The following MSH3 variants were observed in gnomAD, a reference collection of about 807,000 sequenced individuals.
MSH3 encodes mutS homolog 3.
MSH3 carries 106 observed loss-of-function variants against 123.3 expected under a neutral mutation model. The ratio of observed to expected loss-of-function variants is 0.86; its 90% CI spans 0.73 to 1.01. MSH3 has a LOEUF of 1.01. Among genes scored for constraint, MSH3 ranks in the 50% least tolerant of loss-of-function variants. The pLI, the probability that MSH3 is intolerant of heterozygous loss-of-function variation, is 0.00. For missense variants in MSH3, 1,459 were observed against 1,347.6 expected, an observed-to-expected ratio of 1.08 and a Z score of -1.29; for synonymous variants, 515 against 481.4, an observed-to-expected ratio of 1.07 and a Z score of -0.91.
rs181951881 is a variant in MSH3, at chr5:80,811,552, T to C, written c.2656-2032T>C. ...TGTTCTTTTCAGGTTTGATAAGATA[T>C]CCAAATCTGAAATTATTTGGGAAAA... is the stretch of plus-strand genomic sequence containing the variant. On this transcript the variant is annotated intron_variant, in intron 19 of 23. Transcript: ENST00000265081. Among the ~76,000 whole-genome samples the C allele has an allele frequency of 3.3e-3, 509 of 152,304 alleles. 4 individuals are homozygous for C. The highest frequency in any genetic ancestry group is 0.011 in the African/African-American group (473 of 41,588).
At chr5:80,828,488 C>G (rs892275326) in intron 20 of MSH3, among the ~76,000 whole-genome samples, 2 of 152,156 alleles carry the variant, frequency 1.3e-5, no homozygotes, top group African/African-American at 4.8e-5. Context: ...TGCCCCTGGC[C>G]CCCACAAATT....
At chr5:80,859,117 C>T (rs1055104159) in intron 21 of MSH3, among the ~76,000 whole-genome samples, 1 of 151,744 alleles carries the variant, frequency 6.6e-6, no homozygotes, top group African/African-American at 2.4e-5. Flanking sequence ...ATGTATCTTC[C>T]TCCATATATA....
chr5:80,871,826 C>A (rs1580103500), intron 22 of MSH3, among the ~76,000 whole-genome samples: 1 of 152,114 alleles, frequency 6.6e-6, no homozygotes, highest in African/African-American at 2.4e-5. Flanking sequence ...GGGAATGACA[C>A]AAGCACGTGA....
rs1036218896 is a variant in MSH3, at chr5:80,849,106, G to A, written c.2814-5024G>A. On this transcript the variant is annotated intron_variant, in intron 20 of 23. Coordinates refer to ENST00000265081, the MANE Select transcript of MSH3 (RefSeq NM_002439.5). Reference sequence around the variant, plus strand: ...GCCCTATGCAAGTCTGAAATTCAGCGGGGAAGTCAAATCTTAAAGCTCCAA... The same window carrying A: ...GCCCTATGCAAGTCTGAAATTCAGCAGGGAAGTCAAATCTTAAAGCTCCAA... Among the ~76,000 whole-genome samples, 9 of 152,214 alleles carry A rather than the reference G, an allele frequency of 5.9e-5. 1 individual carries two copies. Among genetic ancestry groups the A allele is most frequent in the South Asian group, 4.1e-4 (2 of 4,824 alleles).
intron 3 of MSH3, among the ~76,000 whole-genome samples, chr5:80,666,453 T>TAA (rs1749572740): frequency 6.6e-6 from 1 of 152,218 alleles, no homozygotes; most frequent in Non-Finnish European, 1.5e-5. Flanking sequence ...ATTGATTGAC[T>TAA]TATCTTAGAT....
At chr5:80,851,910 A>G (rs1013705071) in intron 20 of MSH3, among the ~76,000 whole-genome samples, 1 of 152,218 alleles carries the variant, frequency 6.6e-6, no homozygotes, top group East Asian at 1.9e-4. Flanking sequence ...ATGTGTGTGT[A>G]TCTGCCTAGA....
intron 1 of MSH3, among the ~76,000 whole-genome samples, chr5:80,655,778 C>G (rs773411886): frequency 6.6e-6 from 1 of 152,158 alleles, no homozygotes; most frequent in Non-Finnish European, 1.5e-5. Context: ...GTATATATTT[C>G]TCCCTTAAAA....
chr5:80,815,909 AC>A (rs1289345883), intron 20 of MSH3, among the ~76,000 whole-genome samples: 1 of 152,196 alleles, frequency 6.6e-6, no homozygotes, highest in Non-Finnish European at 1.5e-5. Flanking sequence ...AATAATAGTA[AC>A]AGCCAACCTT....
chr5:80,756,909 A>G (rs1743936483), intron 12 of MSH3, among the ~76,000 whole-genome samples: 1 of 152,150 alleles, frequency 6.6e-6, no homozygotes, highest in South Asian at 2.1e-4. Context: ...CTGACAGGAG[A>G]TTATTTAGGT....
Position 80,792,005 on chromosome 5 carries a change from G to A in MSH3, c.2544-728G>A, listed in dbSNP as rs114093056. Among the ~76,000 whole-genome samples, 573 of 152,194 alleles carry A rather than the reference G, an allele frequency of 3.8e-3. 6 individuals carry two copies. Among genetic ancestry groups the A allele is most frequent in the African/African-American group, 0.013 (554 of 41,512 alleles). ...ACATCAAGGTCAAAAAATGATTCTT[G>A]TATCAAAGTAAAAGATACAAAAGAC... On this transcript the variant is annotated intron_variant, in intron 18 of 23. Coordinates refer to ENST00000265081, the MANE Select transcript of MSH3 (RefSeq NM_002439.5).
chr5:80,810,850 A>G (rs936812077), intron 19 of MSH3, among the ~76,000 whole-genome samples: 5 of 152,092 alleles, frequency 3.3e-5, no homozygotes, highest in Non-Finnish European at 7.4e-5. Context: ...TTCTTTTGAT[A>G]CTATGGTAAA....
intron 8 of MSH3, among the ~76,000 whole-genome samples, chr5:80,719,378 A>T (rs527988430): frequency 6.6e-6 from 1 of 152,264 alleles, no homozygotes; most frequent in South Asian, 2.1e-4. Context: ...CATTCTGTGC[A>T]ACTAGGGAGG....
At chr5:80,676,248 C>T (rs1183025666) in intron 7 of MSH3, among the ~76,000 whole-genome samples, 1 of 152,168 alleles carries the variant, frequency 6.6e-6, no homozygotes, top group Non-Finnish European at 1.5e-5. Context: ...ACAGGCTGGT[C>T]TTGAACTCCT....
intron 17 of MSH3, among the ~76,000 whole-genome samples, chr5:80,785,018 G>A (rs1744479003): frequency 6.6e-6 from 1 of 152,102 alleles, no homozygotes; most frequent in African/African-American, 2.4e-5. Flanking sequence ...AATATCAGAA[G>A]TTACAGTTTT....
chr5:80,820,873 G>T (rs1369980387), intron 20 of MSH3, among the ~76,000 whole-genome samples: 1 of 152,182 alleles, frequency 6.6e-6, no homozygotes, highest in African/African-American at 2.4e-5. Flanking sequence ...CCTTTGTGAT[G>T]CTGAGTAAGA....
chr5:80,816,937 A>G (rs1036436328), intron 20 of MSH3, among the ~76,000 whole-genome samples: 5 of 152,230 alleles, frequency 3.3e-5, no homozygotes, highest in African/African-American at 1.2e-4. Context: ...GAGCTATCAT[A>G]TAGTAGGCAG....
At chr5:80,693,484 A>G (rs1044518309) in intron 8 of MSH3, among the ~76,000 whole-genome samples, 15 of 145,584 alleles carry the variant, frequency 1.0e-4, no homozygotes, top group Middle Eastern at 4.0e-3. Context: ...TGTTTATATA[A>G]ATATGCACAT....
Position 80,654,715 on chromosome 5 carries a change from T to C in MSH3, c.-13T>C, listed in dbSNP as rs1243004802. ...GCCAGGCCCTGCCGCCGGGCTGCCA[T>C]CCTTGCCCTGCCATGTCTCGCCGGA... On this transcript the variant is annotated 5_prime_UTR_variant, in exon 1 of 24. Coordinates refer to ENST00000265081, the MANE Select transcript of MSH3 (RefSeq NM_002439.5). 3 of 1,590,860 alleles carry C rather than the reference T, an allele frequency of 1.9e-6. No homozygotes were observed. The highest frequency in any genetic ancestry group is 3.3e-4 in the Middle Eastern group (2 of 6,002).
intron 8 of MSH3, among the ~76,000 whole-genome samples, chr5:80,705,966 A>G (rs1650737): frequency 0.24 from 36,597 of 152,122 alleles, 4,509 homozygotes; most frequent in Middle Eastern, 0.32. Flanking sequence ...AATTCAACTC[A>G]TAACATAGGG....
Sources: gnomAD v4.1 joint callset for allele counts (sites outside exome capture counted in the v4.1 genomes callset) on GRCh38, gnomAD v4.1.1 for gene constraint, MANE v1.5 for transcripts, NCBI Gene and HGNC (gene_info 2026-07-23, HGNC 2026-07-21) for gene names.